The following TSPAN16 variants were observed in gnomAD, a reference collection of about 807,000 sequenced individuals.
TSPAN16 encodes tetraspanin-16.
Under a neutral mutation model 25.2 loss-of-function variants are expected in TSPAN16, and 23 were observed. The observed-to-expected ratio is 0.91, with a 90% CI of 0.66 to 1.29. The LOEUF (loss-of-function observed/expected upper bound fraction) is 1.29. TSPAN16 is among the 50% of genes most tolerant of loss of function. The probability of loss-of-function intolerance (pLI) is 0.00; values close to 1 mark genes in which losing one functional copy is unlikely to be tolerated. For synonymous variants in TSPAN16, 123 were observed against 124.4 expected (o/e 0.99, Z 0.08); for missense variants, 272 against 299.9 (o/e 0.91, Z 0.69).
chr19:11,297,519 C>T (rs987394068), intron 1 of TSPAN16, among the ~76,000 whole-genome samples: 3 of 84,882 alleles, frequency 3.5e-5, no homozygotes, highest in African/African-American at 1.9e-4. Context: ...TATTTTGAGA[C>T]GGAGTCTTGC....
At position 11,298,753 on chromosome 19, in the gene TSPAN16, G is replaced by A. The variant is rs186891703; in HGVS notation, c.268-119G>A. 2.2e-5 allele frequency: 20 copies of A among 909,564 alleles called. No individual in the cohort carries two copies. In the African/African-American group the frequency reaches 3.3e-4, roughly 15 times the overall value. The allele number at this position is 909,564 out of a possible 1,614,324, so 56.3% of individuals were successfully genotyped here. A position where few individuals can be genotyped will look rare whatever the true frequency, so the allele number is the denominator to read the frequency against. On this transcript the variant is annotated intron_variant, in intron 2 of 6. Transcript: ENST00000590327. ...CGGTCGAATTGTTTTAAACTGGAGA[G>A]GCCAGGGTGGCCTGGGGTGGAGGGT...
At chr19:11,314,818 C>T (rs1187432413) in intron 6 of TSPAN16, among the ~76,000 whole-genome samples, 2 of 152,112 alleles carry the variant, frequency 1.3e-5, no homozygotes, top group African/African-American at 2.4e-5. Flanking sequence ...AAGGAATACC[C>T]TACCATTCTC....
At chr19:11,306,451 G>T in intron 4 of TSPAN16, 153 bp from the exon 5 acceptor site, 1 of 862,710 alleles carries the variant, frequency 1.2e-6, no homozygotes, top group Non-Finnish European at 1.7e-6. Context: ...AGCCAGGGAG[G>T]GTTCTGGGCT....
intron 5 of TSPAN16, 67 bp from the exon 6 acceptor site, chr19:11,312,072 T>A (rs1288011686): frequency 1.6e-6 from 2 of 1,254,426 alleles, no homozygotes; most frequent in African/African-American, 2.9e-5. Context: ...TGAGTTGGGG[T>A]TGATGGGGAC....
At chr19:11,316,117 G>GTGTGTGTGTGTGTGT (rs375902342), downstream of TSPAN16, 20 of 228,898 alleles carry the variant, frequency 8.7e-5, no homozygotes, top group African/African-American at 5.7e-4. Flanking sequence ...GTGTGTGTGT[G>GTGTGTGTGTGTGTGT]GTTTTTTTTT....
chr19:11,314,151 A>T (rs1370996036), intron 6 of TSPAN16, among the ~76,000 whole-genome samples: 1 of 152,188 alleles, frequency 6.6e-6, no homozygotes, highest in African/African-American at 2.4e-5. Context: ...GTCCATAGAA[A>T]TAAAAGGTAG....
intron 4 of TSPAN16, among the ~76,000 whole-genome samples, chr19:11,301,993 T>G (rs2080556272): frequency 6.6e-6 from 1 of 151,536 alleles, no homozygotes; most frequent in Non-Finnish European, 1.5e-5. Context: ...CTGGCTAATT[T>G]TTGTATTTTT....
Position 11,298,227 on chromosome 19 carries a change from C to A in TSPAN16, c.155C>A (p.Ala52Glu), listed in dbSNP as rs1230650354. The change falls in exon 2 of 7, where the codon GCA (alanine) becomes GAA (glutamate). Residue 52 changes from alanine to glutamate, a missense_variant. Ala to Glu is a moderately radical substitution (Grantham distance 107). Coordinates refer to ENST00000590327, the MANE Select transcript of TSPAN16 (RefSeq NM_001282509.2). Reference sequence around the variant, plus strand: ...ACGAATGTCCTCGGGCTGTCCTCCGCATACCTCCTTCACGTTGGCAACCTG... The same window carrying A: ...ACGAATGTCCTCGGGCTGTCCTCCGAATACCTCCTTCACGTTGGCAACCTG... Reference protein sequence around the residue: ...SLTNVLGLSSAYLLHVGNLCL... With the variant: ...SLTNVLGLSSEYLLHVGNLCL... 6.2e-7 allele frequency: 1 copy of A among 1,614,092 alleles called. No homozygotes were observed. The highest frequency in any genetic ancestry group is 8.5e-7 in the Non-Finnish European group (1 of 1,180,050).
rs58115943 is a variant in TSPAN16 at position 11,315,235 on chromosome 19, CAATAATAATAAT to C, written c.688-527_688-516del. ...TGGGCAACAGAGTGAGACTCCTTCT[CAATAATAATAAT>C]AATAATAATAATAATAATAATAATA... is the stretch of plus-strand genomic sequence containing the variant. On this transcript the variant is annotated intron_variant, in intron 6 of 6. Coordinates refer to ENST00000590327, the MANE Select transcript of TSPAN16 (RefSeq NM_001282509.2). Among the ~76,000 whole-genome samples, 638 of 124,740 alleles carry C rather than the reference CAATAATAATAAT, an allele frequency of 5.1e-3. 6 individuals are homozygous for C. The highest frequency in any genetic ancestry group is 0.011 in the South Asian group (41 of 3,700). The allele number at this position is 124,740 out of a possible 152,430, so 81.8% of individuals were successfully genotyped here.
chr19:11,318,030 T>C (rs2080757772), downstream of TSPAN16, among the ~76,000 whole-genome samples: 1 of 151,650 alleles, frequency 6.6e-6, no homozygotes. Context: ...CTTTTATTAT[T>C]ATTATTATTT....
At chr19:11,320,685 AAAG>A (rs1389304778), downstream of TSPAN16, among the ~76,000 whole-genome samples, 1 of 151,484 alleles carries the variant, frequency 6.6e-6, no homozygotes, top group African/African-American at 2.4e-5. Context: ...AAAAAAAAAA[AAAG>A]AAAAGAAAAG....
intron 3 of TSPAN16, chr19:11,300,786 A>G (rs12327600): frequency 0.041 from 6,602 of 160,234 alleles, 190 homozygotes; most frequent in South Asian, 0.072. Context: ...ATCGCTTTGC[A>G]AAAGGATTTT....
At chr19:11,320,491 A>T (rs919440277), downstream of TSPAN16, among the ~76,000 whole-genome samples, 1 of 152,004 alleles carries the variant, frequency 6.6e-6, no homozygotes, top group Non-Finnish European at 1.5e-5. Context: ...CAGCCTGGGC[A>T]ACATAGCAAG....
In TSPAN16 at chr19:11,298,884, A is replaced by G. The variant is rs149496880; in HGVS notation, c.280A>G (p.Met94Val). 703 of 1,613,876 alleles carry G rather than the reference A, an allele frequency of 4.4e-4. No individual in the cohort carries two copies. Among genetic ancestry groups the G allele is most frequent in the Non-Finnish European group, 5.5e-4 (654 of 1,179,958 alleles). The change falls in exon 3 of 7, where the codon ATG becomes GTG. Residue 94 changes from methionine to valine, a missense_variant. By Grantham distance (21) the Met-to-Val change is conservative (BLOSUM62 1). Transcript: ENST00000590327. ...GTGTGTCTTTTAGTGCATCCTGTCAATGGTTATTGTCCTCATCATGGAAGT... is the reference window on the plus strand; with the variant it reads ...GTGTGTCTTTTAGTGCATCCTGTCAGTGGTTATTGTCCTCATCATGGAAGT... ...RGTLLFCILS[M>V]VIVLIMEVTA...
rs58115943 is a variant in TSPAN16 at position 11,315,235 on chromosome 19, C to CAATAATAATAATAAT, written c.688-530_688-516dup. Among the ~76,000 whole-genome samples the CAATAATAATAATAAT allele has an allele frequency of 4.0e-4, 50 of 124,740 alleles. 1 individual carries two copies. Among genetic ancestry groups the CAATAATAATAATAAT allele is most frequent in the Non-Finnish European group, 5.4e-4 (33 of 61,082 alleles). 81.8% of individuals were successfully genotyped at this position (124,740 alleles called of 152,430 possible). ...TGGGCAACAGAGTGAGACTCCTTCT[C>CAATAATAATAATAAT]AATAATAATAATAATAATAATAATA... On this transcript the variant is annotated intron_variant, in intron 6 of 6. Transcript: ENST00000590327.
At chr19:11,301,127 C>G (rs1711822786) in intron 3 of TSPAN16, 74 bp from the exon 4 acceptor site, 1 of 1,314,598 alleles carries the variant, frequency 7.6e-7, no homozygotes, top group Non-Finnish European at 1.1e-6. Flanking sequence ...CCACTCTATC[C>G]TCAAGAACCT....
At chr19:11,303,873 T>C (rs2080597622) in intron 4 of TSPAN16, among the ~76,000 whole-genome samples, 1 of 151,632 alleles carries the variant, frequency 6.6e-6, no homozygotes, top group East Asian at 1.9e-4. Context: ...AACCTCCGCC[T>C]CCTGGGTTCA....
At position 11,296,315 on chromosome 19, in the gene TSPAN16, T is replaced by G; in HGVS notation, c.18T>G (p.Thr6=). 6.2e-7 allele frequency: 1 copy of G among 1,614,198 alleles called. No individual in the cohort carries two copies. The highest frequency in any genetic ancestry group is 8.5e-7 in the Non-Finnish European group (1 of 1,180,036). The change falls in exon 1 of 7, where the codon ACT becomes ACG. Residue 6 remains threonine, a synonymous_variant. Coordinates refer to ENST00000590327, the MANE Select transcript of TSPAN16 (RefSeq NM_001282509.2). The part of the protein sequence containing the change: MAEIH[T]PYSSLKKLLS... ...TGTTCAGCATGGCTGAAATCCACACTCCGTATTCTTCCTTGAAGAAACTGT... is the reference window on the plus strand; with the variant it reads ...TGTTCAGCATGGCTGAAATCCACACGCCGTATTCTTCCTTGAAGAAACTGT...
Position 11,315,771 on chromosome 19 carries a change from T to A in TSPAN16, c.688-20T>A. 3 of 1,231,644 alleles carry A rather than the reference T, an allele frequency of 2.4e-6. No individual in the cohort carries two copies. Among genetic ancestry groups the A allele is most frequent in the Non-Finnish European group, 3.0e-6 (3 of 987,604 alleles). The allele number at this position is 1,231,644 out of a possible 1,614,324, so 76.3% of individuals were successfully genotyped here. On this transcript the variant is annotated intron_variant, in intron 6 of 6. Coordinates refer to ENST00000590327, the MANE Select transcript of TSPAN16 (RefSeq NM_001282509.2). ...AGGTCTCTAGCATTGGATCCATGTT[T>A]CTTTCTTCACGCATTTCAGTTGCCA...
Sources: allele counts gnomAD v4.1 joint callset (sites outside exome capture counted in the v4.1 genomes callset), GRCh38; gene constraint gnomAD v4.1.1; transcripts MANE v1.5; gene names NCBI Gene and HGNC (gene_info 2026-07-23, HGNC 2026-07-21).